NHSL1: variants seen among roughly 807,000 people sequenced by gnomAD.
NHSL1 encodes the protein NHS-like protein 1.
NHSL1 carries 48 observed loss-of-function variants against 95.0 expected under a neutral mutation model. The ratio of observed to expected loss-of-function variants is 0.51; its 90% confidence interval spans 0.40 to 0.64. NHSL1 has a LOEUF of 0.64. Ranked by LOEUF, NHSL1 falls within the 30% of genes least tolerant of loss-of-function variation. The pLI, the probability that NHSL1 is intolerant of heterozygous loss-of-function variation, is 0.00. For missense variants in NHSL1, 1,971 were observed against 2,077.7 expected, an observed-to-expected ratio of 0.95 and a Z score of 1.00; for synonymous variants, 783 against 833.9, an observed-to-expected ratio of 0.94 and a Z score of 1.05.
intron 1 of NHSL1, among the ~76,000 whole-genome samples, chr6:138,585,815 G>C (rs1157696897): frequency 1.3e-5 from 2 of 151,974 alleles, no homozygotes; most frequent in East Asian, 3.9e-4. Context: ...GGGAGGCTGA[G>C]GTGGGAGGAC....
At chr6:138,664,522 G>T (rs1285169020) in intron 1 of NHSL1, among the ~76,000 whole-genome samples, 1 of 152,150 alleles carries the variant, frequency 6.6e-6, no homozygotes, top group Non-Finnish European at 1.5e-5. Context: ...TCTGTCAAAG[G>T]ACTCAAGGAA....
chr6:138,652,267 C>A (rs533855151), intron 1 of NHSL1, among the ~76,000 whole-genome samples: 1 of 151,654 alleles, frequency 6.6e-6, no homozygotes, highest in African/African-American at 2.4e-5. Context: ...CATGGAGAAA[C>A]CCCAACTCTA....
At chr6:138,480,163 G>T (rs1010297988) in intron 2 of NHSL1, among the ~76,000 whole-genome samples, 23 of 152,186 alleles carry the variant, frequency 1.5e-4, no homozygotes, top group African/African-American at 5.6e-4. Context: ...GAAGGGGATT[G>T]GTTCCAGAAC....
chr6:138,577,182 G>T (rs891023866), upstream of NHSL1, among the ~76,000 whole-genome samples: 1 of 152,226 alleles, frequency 6.6e-6, no homozygotes, highest in African/African-American at 2.4e-5. Flanking sequence ...ATAAATGAAA[G>T]TTGGAGACTT....
intron 2 of NHSL1, among the ~76,000 whole-genome samples, chr6:138,475,985 T>A (rs1387580562): frequency 1.3e-5 from 2 of 151,612 alleles, no homozygotes; most frequent in African/African-American, 4.8e-5. Flanking sequence ...AAAACAAAAG[T>A]CAAAAGCAAC....
chr6:138,692,907 G>T (rs923525997), upstream of NHSL1, among the ~76,000 whole-genome samples: 1 of 151,078 alleles, frequency 6.6e-6, no homozygotes, highest in African/African-American at 2.4e-5. The surrounding 1 kb of genome is among the most constrained non-coding windows in gnomAD (Gnocchi z 4.0). Flanking sequence ...CAGGGGAGAG[G>T]CCGGGCGGGC....
At chr6:138,485,445 TTAAA>T (rs1468063320) in intron 2 of NHSL1, among the ~76,000 whole-genome samples, 2 of 124,080 alleles carry the variant, frequency 1.6e-5, no homozygotes, top group African/African-American at 6.7e-5. Context: ...TTGCTTACCG[TTAAA>T]AAAAAAAAAA....
chr6:138,529,166 T>C (rs944659901), intron 1 of NHSL1, among the ~76,000 whole-genome samples: 1 of 152,180 alleles, frequency 6.6e-6, no homozygotes. Context: ...GAGCTTGCAC[T>C]GGGTCAACTA....
intron 7 of NHSL1, among the ~76,000 whole-genome samples, chr6:138,425,979 C>T (rs1192638474): frequency 2.0e-5 from 3 of 152,152 alleles, no homozygotes; most frequent in Non-Finnish European, 4.4e-5. Context: ...TGAAGGTTTC[C>T]TGTAGGTATT....
intron 1 of NHSL1, among the ~76,000 whole-genome samples, chr6:138,595,936 A>G (rs1232750636): frequency 6.6e-6 from 1 of 152,124 alleles, no homozygotes; most frequent in Non-Finnish European, 1.5e-5. Flanking sequence ...TATTATTAGC[A>G]TGGTGGTGTT....
chr6:138,465,715 TTTTC>T (rs1370538040), intron 3 of NHSL1, among the ~76,000 whole-genome samples: 1 of 147,488 alleles, frequency 6.8e-6, no homozygotes, highest in African/African-American at 2.6e-5. Flanking sequence ...CTACACTTTT[TTTTC>T]TTTTCTTTTT....
chr6:138,429,860 A>G lies in NHSL1; in HGVS notation c.3953-17T>C, dbSNP rs555739004. On this transcript the variant is annotated splice_polypyrimidine_tract_variant and intron_variant, in intron 6 of 7. Coordinates refer to ENST00000343505, the MANE Select transcript of NHSL1 (RefSeq NM_001144060.2). Reference sequence around the variant, plus strand: ...GCACCCCAGCTACAGAAGAGCAGGCAGGCATACAAGACGCACAAGTGACTG... The same window carrying G: ...GCACCCCAGCTACAGAAGAGCAGGCGGGCATACAAGACGCACAAGTGACTG... 368 of 1,547,176 alleles carry G rather than the reference A, an allele frequency of 2.4e-4. 3 individuals carry two copies. The highest frequency in any genetic ancestry group is 1.2e-3 in the Middle Eastern group (7 of 5,802).
intron 1 of NHSL1, among the ~76,000 whole-genome samples, chr6:138,632,929 A>C (rs1387977009): frequency 1.4e-4 from 22 of 152,316 alleles, no homozygotes; most frequent in Admixed American, 1.4e-3. Flanking sequence ...AAAATTCAAA[A>C]TAGCTTTTTT....
At chr6:138,616,834 AAC>A in intron 1 of NHSL1, among the ~76,000 whole-genome samples, 1 of 152,224 alleles carries the variant, frequency 6.6e-6, no homozygotes, top group East Asian at 1.9e-4. Context: ...AGGTCAAAGA[AAC>A]ACAATGGACT....
chr6:138,644,337 C>T (rs1195709388), intron 1 of NHSL1, among the ~76,000 whole-genome samples: 1 of 151,998 alleles, frequency 6.6e-6, no homozygotes, highest in Non-Finnish European at 1.5e-5. Context: ...CTGGTGTCTA[C>T]TAAAAATACA....
intron 1 of NHSL1, among the ~76,000 whole-genome samples, chr6:138,602,365 CAG>C (rs1326783228): frequency 5.9e-5 from 9 of 152,016 alleles, no homozygotes; most frequent in Admixed American, 2.0e-4. Flanking sequence ...TGTTTTGAGA[CAG>C]AGTCTCACTC....
intron 1 of NHSL1, among the ~76,000 whole-genome samples, chr6:138,678,453 C>CA (rs1189745890): frequency 6.6e-6 from 1 of 152,160 alleles, no homozygotes; most frequent in African/African-American, 2.4e-5. Context: ...TGAGTCATGC[C>CA]ATTGGACTAG....
intron 1 of NHSL1, among the ~76,000 whole-genome samples, chr6:138,569,673 T>A (rs1452650898): frequency 1.3e-5 from 2 of 152,260 alleles, no homozygotes; most frequent in Non-Finnish European, 2.9e-5. Context: ...ACTTCTGTAT[T>A]TCTCCAAAGG....
chr6:138,523,654 A>G lies in NHSL1; in HGVS notation c.16+21969T>C, dbSNP rs200396342. On this transcript the variant is annotated intron_variant, in intron 1 of 4. Transcript: ENST00000342260. ...AAAAAAAAAAAAAAAAAAAAAAAAC[A>G]GAGCTAAAAGCTCCAGGAATAGAAG... Among the ~76,000 whole-genome samples the G allele has an allele frequency of 5.4e-5, 8 of 146,878 alleles. No individual in the cohort carries two copies. The South Asian group carries it at 1.1e-3, about 20-fold the overall frequency.
Sources: gnomAD v4.1 joint callset for allele counts (sites outside exome capture counted in the v4.1 genomes callset) on GRCh38, gnomAD v4.1.1 for gene constraint, Gnocchi (gnomAD v3.1) non-coding constraint, MANE v1.5 for transcripts, NCBI Gene and HGNC (gene_info 2026-07-23, HGNC 2026-07-21) for gene names.